Variants in GPC6 observed in about 807,000 individuals in gnomAD.
GPC6 encodes glypican 6.
Under a neutral mutation model 55.2 loss-of-function variants are expected in GPC6, and 14 were observed. The observed-to-expected ratio is 0.25, with a 90% CI of 0.17 to 0.40. The LOEUF is 0.40. Ranked by LOEUF, GPC6 falls within the 10% of genes least tolerant of loss-of-function variation. The pLI is 1.00. For synonymous variants in GPC6, 278 were observed against 259.6 expected (o/e 1.07, Z -0.68); for missense variants, 641 against 708.5 (o/e 0.90, Z 1.08).
intron 6 of GPC6, among the ~76,000 whole-genome samples, chr13:94,324,856 G>A (rs756652495): frequency 2.0e-5 from 3 of 152,252 alleles, no homozygotes; most frequent in East Asian, 3.9e-4. Context: ...TGTGACATGC[G>A]TGAGGATAGA....
intron 3 of GPC6, among the ~76,000 whole-genome samples, chr13:93,849,190 C>T (rs964824120): frequency 7.9e-5 from 12 of 152,136 alleles, no homozygotes; most frequent in African/African-American, 2.9e-4. Context: ...TATTATATTA[C>T]TTTTTTTCTT....
chr13:94,090,995 A>G (rs1309916959), intron 4 of GPC6, among the ~76,000 whole-genome samples: 4 of 152,150 alleles, frequency 2.6e-5, no homozygotes, highest in Non-Finnish European at 4.4e-5. Flanking sequence ...GATTCTCCGC[A>G]TTTTAGAGGC....
At chr13:94,313,225 C>T (rs1387979706) in intron 6 of GPC6, among the ~76,000 whole-genome samples, 1 of 152,106 alleles carries the variant, frequency 6.6e-6, no homozygotes, top group Non-Finnish European at 1.5e-5. Context: ...ATTGATAAGG[C>T]CCAAGTGGGG....
chr13:93,850,736 T>C (rs574765408), intron 3 of GPC6, among the ~76,000 whole-genome samples: 29 of 152,070 alleles, frequency 1.9e-4, no homozygotes, highest in Non-Finnish European at 3.8e-4. Context: ...AAATAGGAGA[T>C]ACCTGGAAGG....
At chr13:94,012,302 G>A (rs1283067308) in intron 3 of GPC6, among the ~76,000 whole-genome samples, 2 of 151,932 alleles carry the variant, frequency 1.3e-5, no homozygotes, top group East Asian at 3.9e-4. Context: ...GTCCATGCTG[G>A]TACTTTGCAG....
intron 2 of GPC6, among the ~76,000 whole-genome samples, chr13:93,546,203 C>G (rs780089102): frequency 5.3e-5 from 8 of 152,208 alleles, no homozygotes; most frequent in Non-Finnish European, 1.0e-4. Context: ...ACCAGACTTG[C>G]ACCTTGTGGT....
chr13:93,875,776 C>T (rs1484385361), intron 3 of GPC6, among the ~76,000 whole-genome samples: 2 of 151,982 alleles, frequency 1.3e-5, no homozygotes, highest in Non-Finnish European at 2.9e-5. Context: ...AGTAATGAGG[C>T]CATTTGGGGA....
chr13:93,597,396 C>T (rs1877808257), intron 2 of GPC6, among the ~76,000 whole-genome samples: 1 of 152,154 alleles, frequency 6.6e-6, no homozygotes. Context: ...CTGTAAATGT[C>T]ATAATACATC....
chr13:93,511,273 A>T (rs912330559), intron 1 of GPC6, among the ~76,000 whole-genome samples: 1 of 151,626 alleles, frequency 6.6e-6, no homozygotes, highest in African/African-American at 2.4e-5. Context: ...CTAGAACAAT[A>T]TACAGGAGGG....
intron 1 of GPC6, among the ~76,000 whole-genome samples, chr13:93,400,936 G>A (rs994555263): frequency 6.6e-6 from 1 of 152,054 alleles, no homozygotes; most frequent in African/African-American, 2.4e-5. Context: ...GAGGGTGGGA[G>A]CAGGACACAC....
intron 7 of GPC6, among the ~76,000 whole-genome samples, chr13:94,393,234 A>G (rs1046663014): frequency 2.0e-5 from 3 of 152,174 alleles, no homozygotes; most frequent in Non-Finnish European, 4.4e-5. Context: ...TATATATTAC[A>G]TCGTATCTCC....
chr13:93,755,027 A>G (rs1884722878), intron 2 of GPC6, among the ~76,000 whole-genome samples: 1 of 152,222 alleles, frequency 6.6e-6, no homozygotes, highest in African/African-American at 2.4e-5. Context: ...TACTTTTACA[A>G]TTGATAAAAT....
chr13:93,742,696 G>A (rs1268937222), intron 2 of GPC6, among the ~76,000 whole-genome samples: 1 of 152,134 alleles, frequency 6.6e-6, no homozygotes, highest in African/African-American at 2.4e-5. Flanking sequence ...TGTTATCAAA[G>A]ATCATCACAC....
Position 94,302,862 on chromosome 13 carries a change from G to C in GPC6, c.1009-3118G>C, listed in dbSNP as rs142693222. 7.2e-3 allele frequency among the ~76,000 whole-genome samples: 1,094 copies of C among 152,336 alleles called. 16 individuals are homozygous for C. The highest frequency in any genetic ancestry group is 0.025 in the African/African-American group (1,037 of 41,568). On this transcript the variant is annotated intron_variant, in intron 5 of 8. Coordinates refer to ENST00000377047, the MANE Select transcript of GPC6 (RefSeq NM_005708.5). ...CTTGGGCCATGGGGTGAGTGTTACA[G>C]CTCTATTAGAAGCCGTGGGTCACGG...
intron 3 of GPC6, among the ~76,000 whole-genome samples, chr13:93,978,537 C>T (rs1012543151): frequency 1.3e-5 from 2 of 152,096 alleles, no homozygotes; most frequent in African/African-American, 4.8e-5. Flanking sequence ...TGAATATATG[C>T]ATCTACATCT....
intron 3 of GPC6, among the ~76,000 whole-genome samples, chr13:93,875,163 G>A (rs1343238095): frequency 2.6e-5 from 4 of 151,984 alleles, no homozygotes. Context: ...GGCCCCTCAA[G>A]TATTCAGAGA....
intron 1 of GPC6, among the ~76,000 whole-genome samples, chr13:93,539,282 G>A (rs541290359): frequency 6.6e-6 from 1 of 152,002 alleles, no homozygotes; most frequent in South Asian, 2.1e-4. Context: ...GTGGGATGTG[G>A]GTATCATAAT....
chr13:93,657,784 T>A (rs1415722952), intron 2 of GPC6, among the ~76,000 whole-genome samples: 2 of 150,518 alleles, frequency 1.3e-5, no homozygotes, highest in African/African-American at 2.4e-5. Flanking sequence ...ATTAAAAAAA[T>A]GGGCAAAGAA....
At chr13:94,182,092 A>G (rs973582140) in intron 4 of GPC6, among the ~76,000 whole-genome samples, 2 of 152,210 alleles carry the variant, frequency 1.3e-5, no homozygotes, top group African/African-American at 2.4e-5. Flanking sequence ...AGAATTGACA[A>G]AGGTATATGC....
Sources: gnomAD v4.1 joint callset for allele counts (sites outside exome capture counted in the v4.1 genomes callset) on GRCh38, gnomAD v4.1.1 for gene constraint, MANE v1.5 for transcripts, NCBI Gene and HGNC (gene_info 2026-07-23, HGNC 2026-07-21) for gene names.